The following CAMTA1 variants were observed in gnomAD, a reference collection of about 807,000 sequenced individuals.
The protein encoded by CAMTA1 is calmodulin-binding transcription activator 1.
A neutral mutation model predicts 170.9 loss-of-function variants in CAMTA1; 27 were observed. The ratio of observed to expected loss-of-function variants is 0.16; its 90% CI spans 0.12 to 0.22. CAMTA1 has a LOEUF of 0.22. Ranked by LOEUF, CAMTA1 falls within the 10% of genes least tolerant of loss-of-function variation. CAMTA1 has a pLI of 1.00. For synonymous variants in CAMTA1, 833 were observed against 891.5 expected (o/e 0.93, Z 1.17); for missense variants, 1,619 against 2,217.2 (o/e 0.73, Z 5.42).
At chr1:7,427,835 A>G (rs1400737463) in intron 5 of CAMTA1, among the ~76,000 whole-genome samples, 1 of 152,214 alleles carries the variant, frequency 6.6e-6, no homozygotes, top group Non-Finnish European at 1.5e-5. Flanking sequence ...CAGACATTGC[A>G]GGTCCTCTAG....
chr1:6,948,002 A>C (rs1407636639), intron 3 of CAMTA1, among the ~76,000 whole-genome samples: 1 of 152,108 alleles, frequency 6.6e-6, no homozygotes. Context: ...TCCAATATGG[A>C]TACCTTTTGT....
At chr1:6,899,548 G>GCACACACA (rs1161221003) in intron 3 of CAMTA1, among the ~76,000 whole-genome samples, 1 of 89,686 alleles carries the variant, frequency 1.1e-5, no homozygotes, top group African/African-American at 3.9e-5. Context: ...ACGCGCACGC[G>GCACACACA]CGCGCGCACA....
chr1:7,536,473 T>C (rs1311602534), intron 6 of CAMTA1, among the ~76,000 whole-genome samples: 2 of 152,156 alleles, frequency 1.3e-5, no homozygotes, highest in Admixed American at 6.5e-5. Flanking sequence ...CCCAAGTCTG[T>C]GACCATTGGG....
chr1:7,671,363 C>A (rs2096058939), intron 10 of CAMTA1, among the ~76,000 whole-genome samples: 1 of 152,200 alleles, frequency 6.6e-6, no homozygotes, highest in Admixed American at 6.6e-5. Context: ...CACCCTCAGC[C>A]CAAAGGGTGA....
At position 7,661,596 on chromosome 1, in the gene CAMTA1, G is replaced by A. The variant is rs1012108591; in HGVS notation, c.665-130G>A. The A allele has an allele frequency of 9.7e-6, 10 of 1,033,772 alleles. No individual in the cohort carries two copies. In the African/African-American group the frequency reaches 1.1e-4, roughly 12 times the overall value. 64.0% of individuals were successfully genotyped at this position (1,033,772 alleles called of 1,614,324 possible). A position where few individuals can be genotyped will look rare whatever the true frequency, so the allele number is the denominator to read the frequency against. ...CTCCTCCTCCCCTACTCATCAATTC[G>A]CCCCAGGAGCCAGCTCCCCAGCAGT... On this transcript the variant is annotated intron_variant, in intron 7 of 22. Transcript: ENST00000303635.
chr1:7,548,940 T>G (rs1355272822), intron 6 of CAMTA1, among the ~76,000 whole-genome samples: 3 of 106,096 alleles, frequency 2.8e-5, no homozygotes, highest in Admixed American at 9.8e-5. Context: ...AGTGCTGGTG[T>G]AGGGTGTCCC....
chr1:7,307,180 T>C (rs1034753542), intron 5 of CAMTA1, among the ~76,000 whole-genome samples: 1 of 152,054 alleles, frequency 6.6e-6, no homozygotes, highest in African/African-American at 2.4e-5. Context: ...TTATTAGGTT[T>C]TTACCTAAGT....
chr1:7,733,132 G>A (rs2096746663), intron 12 of CAMTA1, among the ~76,000 whole-genome samples: 1 of 152,024 alleles, frequency 6.6e-6, no homozygotes, highest in Non-Finnish European at 1.5e-5. Context: ...AGCCCGGGAG[G>A]TTGAGGCTGC....
chr1:6,837,888 G>A (rs1653931613), intron 3 of CAMTA1, among the ~76,000 whole-genome samples: 1 of 152,186 alleles, frequency 6.6e-6, no homozygotes, highest in Admixed American at 6.5e-5. Context: ...AATGGGGGTA[G>A]TGAGGCATAA....
At chr1:6,899,518 T>TA (rs1676392805) in intron 3 of CAMTA1, among the ~76,000 whole-genome samples, 1 of 151,286 alleles carries the variant, frequency 6.6e-6, no homozygotes, top group African/African-American at 2.4e-5. Flanking sequence ...ACTTCGCTGT[T>TA]AAAAAATTAT....
At chr1:7,124,586 G>C (rs938834450) in intron 4 of CAMTA1, among the ~76,000 whole-genome samples, 1 of 152,224 alleles carries the variant, frequency 6.6e-6, no homozygotes. Flanking sequence ...GGACTGATGT[G>C]CTGATCAATA....
At chr1:7,177,580 C>G (rs1474281508) in intron 4 of CAMTA1, among the ~76,000 whole-genome samples, 2 of 146,520 alleles carry the variant, frequency 1.4e-5, no homozygotes, top group African/African-American at 5.0e-5. Context: ...TGCATCAAAA[C>G]TCTCCCCATA....
At chr1:7,746,183 T>C in intron 18 of CAMTA1, 92 bp downstream of exon 18, 2 of 1,433,088 alleles carry the variant, frequency 1.4e-6, no homozygotes, top group Non-Finnish European at 1.9e-6. Flanking sequence ...ACATTTACTA[T>C]TTCTTTTTTT....
intron 5 of CAMTA1, among the ~76,000 whole-genome samples, chr1:7,423,265 G>A (rs1377251341): frequency 6.6e-6 from 1 of 152,170 alleles, no homozygotes; most frequent in Non-Finnish European, 1.5e-5. Flanking sequence ...GAGGTCAGGA[G>A]CTCGAGACTA....
At chr1:7,454,119 A>C (rs1170663628) in intron 5 of CAMTA1, among the ~76,000 whole-genome samples, 1 of 152,176 alleles carries the variant, frequency 6.6e-6, no homozygotes, top group Non-Finnish European at 1.5e-5. Flanking sequence ...TTCTGTTTGC[A>C]CTTGGGCAGG....
intron 3 of CAMTA1, among the ~76,000 whole-genome samples, chr1:6,858,793 C>A (rs926022385): frequency 6.6e-6 from 1 of 152,086 alleles, no homozygotes; most frequent in Admixed American, 6.5e-5. Context: ...CGTAACTTTG[C>A]CATAACTCAG....
intron 3 of CAMTA1, among the ~76,000 whole-genome samples, chr1:6,841,730 A>G (rs566299894): frequency 2.0e-5 from 3 of 152,292 alleles, no homozygotes; most frequent in Non-Finnish European, 4.4e-5. Context: ...GTCTACTGGA[A>G]GAGATTAACT....
At chr1:7,125,702 C>T (rs1327835982) in intron 4 of CAMTA1, among the ~76,000 whole-genome samples, 2 of 152,122 alleles carry the variant, frequency 1.3e-5, no homozygotes, top group Non-Finnish European at 2.9e-5. Context: ...GCTGGCGGTT[C>T]AGCAGGAGCA....
chr1:7,358,865 C>T (rs1354609433), intron 5 of CAMTA1, among the ~76,000 whole-genome samples: 1 of 152,140 alleles, frequency 6.6e-6, no homozygotes, highest in African/African-American at 2.4e-5. Flanking sequence ...CCGGCTTTGT[C>T]TCCTCAGCCC....
Sources: gnomAD v4.1 joint callset for allele counts (sites outside exome capture counted in the v4.1 genomes callset) on GRCh38, gnomAD v4.1.1 for gene constraint, MANE v1.5 for transcripts, NCBI Gene and HGNC (gene_info 2026-07-23, HGNC 2026-07-21) for gene names.